Variants in AKAP7 observed in about 807,000 individuals in gnomAD.
AKAP7 encodes the protein A-kinase anchoring protein 7.
A neutral mutation model predicts 39.5 loss-of-function variants in AKAP7; 39 were observed. The ratio of observed to expected loss-of-function variants is 0.99; its 90% CI spans 0.76 to 1.29. The LOEUF (loss-of-function observed/expected upper bound fraction) is 1.29, where lower values mean the gene tolerates loss of function less well. Among genes scored for constraint, AKAP7 ranks in the 50% most tolerant of loss-of-function variants. The pLI is 0.00. For synonymous variants in AKAP7, 140 were observed against 139.1 expected (o/e 1.01, Z -0.05); for missense variants, 414 against 407.7 (o/e 1.02, Z -0.13).
intron 5 of AKAP7, among the ~76,000 whole-genome samples, chr6:131,190,739 G>A (rs1806330557): frequency 6.6e-6 from 1 of 152,154 alleles, no homozygotes; most frequent in Middle Eastern, 3.4e-3. Flanking sequence ...TAAACATTAG[G>A]TAGTAAAGAA....
chr6:131,245,424 G>GT (rs1434316338), intron 7 of AKAP7, among the ~76,000 whole-genome samples: 11 of 142,410 alleles, frequency 7.7e-5, no homozygotes, highest in Admixed American at 1.4e-4. Flanking sequence ...TTTTTTTTTT[G>GT]TTTTTTTGTT....
At chr6:131,233,173 A>G (rs1214344001) in intron 7 of AKAP7, among the ~76,000 whole-genome samples, 1 of 152,218 alleles carries the variant, frequency 6.6e-6, no homozygotes, top group East Asian at 1.9e-4. Flanking sequence ...TGAAATCACA[A>G]TAGACAGACT....
intron 5 of AKAP7, among the ~76,000 whole-genome samples, chr6:131,194,011 A>AT (rs1219058282): frequency 3.3e-5 from 5 of 151,636 alleles, no homozygotes; most frequent in East Asian, 1.9e-4. Context: ...CATTTTGTTG[A>AT]TTTTTTTGTA....
intron 7 of AKAP7, among the ~76,000 whole-genome samples, chr6:131,229,031 T>TAGG (rs1266138279): frequency 6.6e-6 from 1 of 152,190 alleles, no homozygotes; most frequent in African/African-American, 2.4e-5. Context: ...CATATTGAAG[T>TAGG]AGGTCGACCC....
chr6:131,144,038 A>T (rs948314310), intron 1 of AKAP7, among the ~76,000 whole-genome samples: 1 of 137,762 alleles, frequency 7.3e-6, no homozygotes, highest in Admixed American at 7.7e-5. Flanking sequence ...TTTAACCCTG[A>T]GTGGACACAG....
At chr6:131,197,439 T>C (rs1807048506) in intron 5 of AKAP7, among the ~76,000 whole-genome samples, 1 of 152,180 alleles carries the variant, frequency 6.6e-6, no homozygotes, top group African/African-American at 2.4e-5. Flanking sequence ...AACACCATTA[T>C]TTCTTCATAT....
intron 7 of AKAP7, among the ~76,000 whole-genome samples, chr6:131,224,438 G>A (rs1338188441): frequency 6.6e-6 from 1 of 152,062 alleles, no homozygotes; most frequent in Non-Finnish European, 1.5e-5. Flanking sequence ...CTGATCTTAA[G>A]ATATTATTCA....
intron 4 of AKAP7, among the ~76,000 whole-genome samples, chr6:131,165,761 G>T (rs1426143271): frequency 6.6e-6 from 1 of 151,966 alleles, no homozygotes; most frequent in Non-Finnish European, 1.5e-5. Context: ...CCCATGCCAG[G>T]GTTCTGCCAT....
intron 5 of AKAP7, among the ~76,000 whole-genome samples, chr6:131,171,049 C>G (rs1803997120): frequency 6.6e-6 from 1 of 152,072 alleles, no homozygotes; most frequent in African/African-American, 2.4e-5. Context: ...TTTATTACCT[C>G]TAAATTTCAT....
At chr6:131,229,785 C>T (rs1314758489) in intron 7 of AKAP7, among the ~76,000 whole-genome samples, 6 of 152,194 alleles carry the variant, frequency 3.9e-5, no homozygotes, top group Non-Finnish European at 7.3e-5. Flanking sequence ...CCGCTATTGC[C>T]TTCAAGATGC....
chr6:131,199,477 A>C lies in AKAP7; in HGVS notation c.606A>C (p.Thr202=). Residue 202 remains threonine, a synonymous_variant, in exon 6 of 8, where the codon ACA becomes ACC. Coordinates refer to ENST00000431975, the MANE Select transcript of AKAP7 (RefSeq NM_016377.4). The stretch of plus-strand genomic sequence containing the variant: ...TTTCTTCAGAGACTGCAAATAGGAC[A>C]TTTCAAGAAAAAGGCATCCTGGTAG... ...LLEIAETANR[T]FQEKGILVGE... 1 of 1,601,520 alleles carries C rather than the reference A, an allele frequency of 6.2e-7. No individual in the cohort carries two copies. Among genetic ancestry groups the C allele is most frequent in the Non-Finnish European group, 8.6e-7 (1 of 1,169,564 alleles).
chr6:131,162,778 C>T (rs574431181), intron 3 of AKAP7, among the ~76,000 whole-genome samples: 28 of 152,236 alleles, frequency 1.8e-4, no homozygotes, highest in African/African-American at 6.5e-4. Flanking sequence ...TTGTTAATGC[C>T]GGAATCTCAG....
chr6:131,249,555 G>C (rs1301274757), intron 7 of AKAP7, among the ~76,000 whole-genome samples: 2 of 151,962 alleles, frequency 1.3e-5, no homozygotes, highest in Non-Finnish European at 1.5e-5. Flanking sequence ...AAAGAATCAG[G>C]GTGGAATTTC....
At chr6:131,189,905 C>T (rs926558121) in intron 5 of AKAP7, among the ~76,000 whole-genome samples, 2 of 152,134 alleles carry the variant, frequency 1.3e-5, no homozygotes, top group Non-Finnish European at 2.9e-5. Context: ...TGGTTTAGTG[C>T]TTGAAGGAAT....
intron 7 of AKAP7, among the ~76,000 whole-genome samples, chr6:131,277,368 C>A (rs1434963397): frequency 1.3e-5 from 2 of 151,972 alleles, no homozygotes; most frequent in Non-Finnish European, 2.9e-5. Flanking sequence ...ATTAAGTAAC[C>A]CTGTAGTCCA....
At chr6:131,262,896 T>G in intron 7 of AKAP7, among the ~76,000 whole-genome samples, 1 of 152,208 alleles carries the variant, frequency 6.6e-6, no homozygotes, top group East Asian at 1.9e-4. Context: ...CAAATTAGAT[T>G]GGAGTTAAAC....
chr6:131,209,302 G>A (rs1315162722), intron 6 of AKAP7, among the ~76,000 whole-genome samples: 4 of 151,994 alleles, frequency 2.6e-5, no homozygotes, highest in Non-Finnish European at 5.9e-5. Context: ...CCAGGCTGGA[G>A]TGCAGTGGTG....
chr6:131,190,383 A>C (rs1321690426), intron 5 of AKAP7, among the ~76,000 whole-genome samples: 1 of 152,188 alleles, frequency 6.6e-6, no homozygotes, highest in Non-Finnish European at 1.5e-5. Flanking sequence ...TCATGACTGT[A>C]ATCCCAGCAC....
At chr6:131,264,950 A>C (rs1044682952) in intron 7 of AKAP7, among the ~76,000 whole-genome samples, 7 of 152,180 alleles carry the variant, frequency 4.6e-5, no homozygotes, top group African/African-American at 1.7e-4. Context: ...TCATGAGGAC[A>C]GCACCAGGCC....
Sources: gnomAD v4.1 joint callset for allele counts (sites outside exome capture counted in the v4.1 genomes callset) on GRCh38, gnomAD v4.1.1 for gene constraint, MANE v1.5 for transcripts, NCBI Gene and HGNC (gene_info 2026-07-23, HGNC 2026-07-21) for gene names.